ADAMTSL1: variants seen among roughly 807,000 people sequenced by gnomAD.
ADAMTSL1 encodes the protein ADAMTS-like protein 1.
A neutral mutation model predicts 201.8 loss-of-function variants in ADAMTSL1; 126 were observed. The observed-to-expected ratio is 0.62, with a 90% confidence interval of 0.54 to 0.72. ADAMTSL1 has a LOEUF of 0.72. Among genes scored for constraint, ADAMTSL1 ranks in the 30% least tolerant of loss-of-function variants. The pLI, the probability that ADAMTSL1 is intolerant of heterozygous loss-of-function variation, is 0.00. For synonymous variants in ADAMTSL1, 1,121 were observed against 903.4 expected (o/e 1.24, Z -4.32); for missense variants, 2,679 against 2,277.8 (o/e 1.18, Z -3.59).
intron 23 of ADAMTSL1, among the ~76,000 whole-genome samples, chr9:18,852,600 C>G (rs1309887414): frequency 1.3e-5 from 2 of 152,134 alleles, no homozygotes; most frequent in East Asian, 1.9e-4. Flanking sequence ...GTTGAGTTCT[C>G]TTTGATAATA....
intron 2 of ADAMTSL1, among the ~76,000 whole-genome samples, chr9:18,325,285 C>A (rs1167202315): frequency 6.6e-6 from 1 of 152,198 alleles, no homozygotes; most frequent in African/African-American, 2.4e-5. Flanking sequence ...AAAAGACATG[C>A]ACAAAGTGTT....
chr9:18,469,121 C>A (rs1198092121), upstream of ADAMTSL1, among the ~76,000 whole-genome samples: 1 of 152,206 alleles, frequency 6.6e-6, no homozygotes, highest in Non-Finnish European at 1.5e-5. Context: ...CTTTTCATTA[C>A]CTAAAAGTCT....
chr9:18,827,608 A>G (rs1471558388), intron 22 of ADAMTSL1, among the ~76,000 whole-genome samples: 2 of 152,222 alleles, frequency 1.3e-5, no homozygotes, highest in African/African-American at 4.8e-5. Flanking sequence ...ATATTGCCCC[A>G]CACTGAGTTA....
At chr9:18,038,488 C>T (rs560053043) in intron 1 of ADAMTSL1, among the ~76,000 whole-genome samples, 2 of 152,284 alleles carry the variant, frequency 1.3e-5, no homozygotes, top group South Asian at 2.1e-4. Flanking sequence ...GCATAAAACA[C>T]ATTGGCAGTC....
At chr9:18,748,098 G>A (rs1257910076) in intron 15 of ADAMTSL1, among the ~76,000 whole-genome samples, 1 of 152,200 alleles carries the variant, frequency 6.6e-6, no homozygotes, top group Non-Finnish European at 1.5e-5. Flanking sequence ...AACTCATGGA[G>A]GCTTTCCTGC....
intron 1 of ADAMTSL1, among the ~76,000 whole-genome samples, chr9:18,007,889 T>TA (rs1819895840): frequency 6.6e-6 from 1 of 152,006 alleles, no homozygotes; most frequent in Non-Finnish European, 1.5e-5. Context: ...GAAGGAAAAT[T>TA]ATGAAGTATT....
chr9:18,753,594 A>G (rs1819586939), intron 16 of ADAMTSL1, 86 bp downstream of exon 16: 3 of 1,451,308 alleles, frequency 2.1e-6, no homozygotes, highest in South Asian at 1.2e-5. Context: ...GGTTTTGTCC[A>G]GGGATGTTAA....
At chr9:18,500,816 A>T (rs982659324) in intron 1 of ADAMTSL1, among the ~76,000 whole-genome samples, 1 of 152,206 alleles carries the variant, frequency 6.6e-6, no homozygotes, top group Admixed American at 6.5e-5. Context: ...CTAGTGAAAC[A>T]TTGCCTTACA....
intron 2 of ADAMTSL1, among the ~76,000 whole-genome samples, chr9:18,356,612 C>T (rs544355762): frequency 6.7e-6 from 1 of 148,830 alleles, no homozygotes; most frequent in Non-Finnish European, 1.5e-5. Context: ...AAAACACACA[C>T]ACACACACAC....
At chr9:18,195,363 C>T (rs920159266) in intron 2 of ADAMTSL1, among the ~76,000 whole-genome samples, 21 of 152,084 alleles carry the variant, frequency 1.4e-4, no homozygotes, top group Non-Finnish European at 2.4e-4. Flanking sequence ...TGCCAGGCTA[C>T]ATGTTAGGCA....
At chr9:18,414,208 A>C (rs946879004) in intron 2 of ADAMTSL1, among the ~76,000 whole-genome samples, 4 of 152,246 alleles carry the variant, frequency 2.6e-5, no homozygotes, top group African/African-American at 9.6e-5. Context: ...TTACCCTTCA[A>C]AGAAGCTAAA....
chr9:18,693,666 C>T (rs1831373742), intron 13 of ADAMTSL1, among the ~76,000 whole-genome samples: 2 of 152,144 alleles, frequency 1.3e-5, no homozygotes, highest in Admixed American at 1.3e-4. Context: ...TAACTCTTAT[C>T]CTTCTGTTTA....
chr9:18,132,455 C>T (rs1012275055), intron 1 of ADAMTSL1, among the ~76,000 whole-genome samples: 4 of 152,152 alleles, frequency 2.6e-5, no homozygotes, highest in African/African-American at 9.7e-5. Context: ...TTCCTAACTA[C>T]TCTTAATTGT....
At chr9:18,800,862 G>A (rs546564569) in intron 20 of ADAMTSL1, among the ~76,000 whole-genome samples, 37 of 152,278 alleles carry the variant, frequency 2.4e-4, no homozygotes, top group South Asian at 8.3e-4. Flanking sequence ...TGGAACATGC[G>A]AAGAATTTGT....
chr9:18,715,854 A>C (rs956408792), intron 14 of ADAMTSL1, among the ~76,000 whole-genome samples: 6 of 151,942 alleles, frequency 3.9e-5, no homozygotes, highest in African/African-American at 1.2e-4. Context: ...AGGCTACAGT[A>C]ACCAAAACAG....
chr9:18,611,134 C>G (rs1254458497), intron 4 of ADAMTSL1, among the ~76,000 whole-genome samples: 1 of 152,130 alleles, frequency 6.6e-6, no homozygotes. Flanking sequence ...GTATGCCCAG[C>G]AGCAGAAGGG....
chr9:18,879,557 T>G (rs1444132190), intron 23 of ADAMTSL1, among the ~76,000 whole-genome samples: 1 of 152,236 alleles, frequency 6.6e-6, no homozygotes, highest in Non-Finnish European at 1.5e-5. Context: ...CATGTAAAAG[T>G]TATGTTTACA....
At chr9:18,133,640 G>C (rs955128566) in intron 1 of ADAMTSL1, among the ~76,000 whole-genome samples, 4 of 152,038 alleles carry the variant, frequency 2.6e-5, no homozygotes, top group African/African-American at 7.2e-5. Context: ...TTCAAGGTCT[G>C]ATAGCCCAGG....
chr9:18,736,079 A>C (rs2133514967), intron 15 of ADAMTSL1, among the ~76,000 whole-genome samples: 1 of 152,328 alleles, frequency 6.6e-6, no homozygotes, highest in African/African-American at 2.4e-5. Context: ...AACTGATATA[A>C]ACAAGACATT....
Sources: allele counts gnomAD v4.1 joint callset (sites outside exome capture counted in the v4.1 genomes callset), GRCh38; gene constraint gnomAD v4.1.1; transcripts MANE v1.5; gene names NCBI Gene and HGNC (gene_info 2026-07-23, HGNC 2026-07-21).